Variants in CACNA2D1 observed in about 807,000 individuals in gnomAD.
CACNA2D1 encodes the protein calcium voltage-gated channel auxiliary subunit alpha2delta 1, also known as voltage-dependent calcium channel subunit alpha-2/delta-1.
In CACNA2D1, 53 loss-of-function variants were observed where a neutral mutation model predicts 171.5. The ratio of observed to expected loss-of-function variants is 0.31; its 90% CI spans 0.25 to 0.39. The LOEUF is 0.39. CACNA2D1 is among the 10% of genes least tolerant of loss of function. The pLI is 1.00. For synonymous variants in CACNA2D1, 442 were observed against 443.1 expected, an observed-to-expected ratio of 1.00 and a Z score of 0.03; for missense variants, 903 against 1,299.8, an observed-to-expected ratio of 0.69 and a Z score of 4.69.
intron 3 of CACNA2D1, among the ~76,000 whole-genome samples, chr7:82,288,805 T>C (rs536982292): frequency 1.1e-4 from 16 of 152,268 alleles, no homozygotes; most frequent in African/African-American, 2.6e-4. Context: ...GTGTGTTCCA[T>C]TGAGGTTGTG....
At chr7:82,291,372 T>C (rs1368808645) in intron 3 of CACNA2D1, among the ~76,000 whole-genome samples, 1 of 135,664 alleles carries the variant, frequency 7.4e-6, no homozygotes, top group South Asian at 2.2e-4. Flanking sequence ...ATAGATATCT[T>C]TATACATCTA....
chr7:82,100,397 TATA>T (rs1812532530), intron 6 of CACNA2D1, among the ~76,000 whole-genome samples: 1 of 152,164 alleles, frequency 6.6e-6, no homozygotes, highest in Non-Finnish European at 1.5e-5. Flanking sequence ...TTTATTAAAA[TATA>T]ATAAATCATT....
intron 3 of CACNA2D1, among the ~76,000 whole-genome samples, chr7:82,247,195 G>A (rs780480856): frequency 2.5e-4 from 38 of 152,236 alleles, no homozygotes; most frequent in Non-Finnish European, 3.7e-4. Context: ...TAACACAGAT[G>A]TATGGCTCTG....
intron 3 of CACNA2D1, among the ~76,000 whole-genome samples, chr7:82,268,196 A>C (rs1265114098): frequency 6.6e-6 from 1 of 152,202 alleles, no homozygotes; most frequent in Non-Finnish European, 1.5e-5. Context: ...CGAAATATTA[A>C]GTGGAGTTTA....
chr7:82,423,026 T>G (rs1187599876), intron 1 of CACNA2D1, among the ~76,000 whole-genome samples: 1 of 152,078 alleles, frequency 6.6e-6, no homozygotes, highest in East Asian at 1.9e-4. Context: ...AATGACACAC[T>G]CCATTCCTTG....
At chr7:82,430,237 T>C (rs978061810) in intron 1 of CACNA2D1, among the ~76,000 whole-genome samples, 2 of 151,856 alleles carry the variant, frequency 1.3e-5, no homozygotes, top group African/African-American at 4.8e-5. Flanking sequence ...GCCAATATGG[T>C]GAACCCCGTC....
chr7:81,954,329 T>A (rs891192641), intron 38 of CACNA2D1, among the ~76,000 whole-genome samples: 1 of 151,844 alleles, frequency 6.6e-6, no homozygotes, highest in Non-Finnish European at 1.5e-5. Context: ...TTTTAAAATA[T>A]GATAAAACTA....
chr7:82,090,116 T>C (rs1404490179), intron 6 of CACNA2D1, among the ~76,000 whole-genome samples: 1 of 152,126 alleles, frequency 6.6e-6, no homozygotes, highest in Non-Finnish European at 1.5e-5. Context: ...ATAACTACCA[T>C]TAGGGTGGAA....
intron 1 of CACNA2D1, among the ~76,000 whole-genome samples, chr7:82,389,672 A>T (rs958301434): frequency 6.6e-6 from 1 of 152,228 alleles, no homozygotes; most frequent in Non-Finnish European, 1.5e-5. Context: ...GAAATTCCCC[A>T]TCTCTATTAG....
intron 1 of CACNA2D1, among the ~76,000 whole-genome samples, chr7:82,405,540 A>T (rs1826934894): frequency 6.6e-6 from 1 of 152,194 alleles, no homozygotes; most frequent in Non-Finnish European, 1.5e-5. Context: ...AAGTCTAGGA[A>T]ATCATACTGT....
chr7:82,167,278 G>C (rs1018528899), intron 4 of CACNA2D1, among the ~76,000 whole-genome samples: 1 of 151,952 alleles, frequency 6.6e-6, no homozygotes, highest in Non-Finnish European at 1.5e-5. Context: ...TTAAAATATT[G>C]AGAAAATTTA....
At chr7:81,997,370 T>TA in intron 18 of CACNA2D1, 120 bp from the exon 19 acceptor site, 1 of 600,464 alleles carries the variant, frequency 1.7e-6, no homozygotes, top group Non-Finnish European at 3.0e-6. Flanking sequence ...AATAATTGTA[T>TA]AAAGGTATCT....
At chr7:82,285,183 T>C (rs1810602320) in intron 3 of CACNA2D1, among the ~76,000 whole-genome samples, 1 of 152,066 alleles carries the variant, frequency 6.6e-6, no homozygotes, top group South Asian at 2.1e-4. Context: ...TTCTCGATGG[T>C]GGTCATGGCC....
At chr7:82,308,318 C>T (rs781063263) in intron 3 of CACNA2D1, among the ~76,000 whole-genome samples, 13 of 152,198 alleles carry the variant, frequency 8.5e-5, no homozygotes, top group Non-Finnish European at 1.6e-4. Context: ...ATGAGAGTTA[C>T]GGTTGTCACA....
intron 3 of CACNA2D1, among the ~76,000 whole-genome samples, chr7:82,334,624 A>G (rs1009132546): frequency 6.7e-6 from 1 of 148,412 alleles, no homozygotes; most frequent in Non-Finnish European, 1.5e-5. Context: ...AAAGTAAGCA[A>G]ACTAAAGAAT....
At chr7:82,177,277 C>A (rs1304632573) in intron 3 of CACNA2D1, among the ~76,000 whole-genome samples, 1 of 151,940 alleles carries the variant, frequency 6.6e-6, no homozygotes, top group Non-Finnish European at 1.5e-5. Flanking sequence ...TGACCAATTT[C>A]CCTACACAGA....
intron 1 of CACNA2D1, among the ~76,000 whole-genome samples, chr7:82,422,878 C>A (rs941201466): frequency 3.3e-5 from 5 of 151,520 alleles, no homozygotes; most frequent in African/African-American, 9.7e-5. Context: ...GCAAAAGATG[C>A]TTTGTCAAGA....
chr7:82,041,001 AC>A (rs1649874894), intron 10 of CACNA2D1, among the ~76,000 whole-genome samples: 1 of 150,170 alleles, frequency 6.7e-6, no homozygotes, highest in African/African-American at 2.5e-5. Flanking sequence ...AACAAAACAA[AC>A]AAAAAAATGC....
At position 82,060,206 on chromosome 7, in the gene CACNA2D1, TATATA is replaced by T. The variant is rs1308208891; in HGVS notation, c.879+217_879+221del. On this transcript the variant is annotated intron_variant, in intron 10 of 38. Coordinates refer to ENST00000356860, the MANE Select transcript of CACNA2D1 (RefSeq NM_000722.4). ...ATATATATATTATATATATATTATA[TATATA>T]ATATATATATAATATATATATATAA... 1.3e-4 allele frequency among the ~76,000 whole-genome samples: 4 copies of T among 30,580 alleles called. 1 individual carries two copies. The South Asian group carries it at 4.2e-3, about 32-fold the overall frequency. 20.1% of individuals were successfully genotyped at this position (30,580 alleles called of 152,430 possible).
Sources: allele counts gnomAD v4.1 joint callset (sites outside exome capture counted in the v4.1 genomes callset), GRCh38; gene constraint gnomAD v4.1.1; transcripts MANE v1.5; gene names NCBI Gene and HGNC (gene_info 2026-07-23, HGNC 2026-07-21).